The following CSMD1 variants were observed in gnomAD, a reference collection of about 807,000 sequenced individuals.
CSMD1 encodes CUB and Sushi multiple domains 1, also known as CUB and sushi domain-containing protein 1.
Under a neutral mutation model 417.5 loss-of-function variants are expected in CSMD1, and 213 were observed. The observed-to-expected ratio is 0.51, with a 90% CI of 0.46 to 0.57. The LOEUF is 0.57. CSMD1 is among the 20% of genes least tolerant of loss of function. The pLI is 0.00. For synonymous variants in CSMD1, 2,862 were observed against 1,736.8 expected (o/e 1.65, Z -16.11); for missense variants, 6,923 against 4,529.7 (o/e 1.53, Z -15.17).
At chr8:3,691,037 TTCTC>T (rs1563276899) in intron 7 of CSMD1, among the ~76,000 whole-genome samples, 1 of 152,068 alleles carries the variant, frequency 6.6e-6, no homozygotes, top group Non-Finnish European at 1.5e-5. Context: ...AAGTATCTTT[TTCTC>T]TCTAACACAC....
intron 2 of CSMD1, among the ~76,000 whole-genome samples, chr8:4,497,167 A>C (rs1402047406): frequency 6.6e-6 from 1 of 152,130 alleles, no homozygotes; most frequent in East Asian, 1.9e-4. Context: ...TTTTAGTAGA[A>C]TATTCCAGAG....
intron 5 of CSMD1, among the ~76,000 whole-genome samples, chr8:3,815,892 A>G (rs1433847660): frequency 6.6e-6 from 1 of 152,220 alleles, no homozygotes. Flanking sequence ...ACACTAAATT[A>G]TCATCAAGAG....
At chr8:4,443,502 A>G (rs1193085793) in intron 2 of CSMD1, among the ~76,000 whole-genome samples, 1 of 152,218 alleles carries the variant, frequency 6.6e-6, no homozygotes, top group East Asian at 1.9e-4. Flanking sequence ...TATATGCCAC[A>G]TATATTAACA....
chr8:4,059,247 G>C (rs993650026), intron 3 of CSMD1, among the ~76,000 whole-genome samples: 6 of 152,066 alleles, frequency 3.9e-5, no homozygotes, highest in Middle Eastern at 3.2e-3. Flanking sequence ...AAACCAAAGA[G>C]AAGAAAGACA....
intron 4 of CSMD1, among the ~76,000 whole-genome samples, chr8:4,027,666 G>C (rs1797132010): frequency 1.3e-5 from 2 of 152,104 alleles, no homozygotes; most frequent in South Asian, 4.1e-4. Context: ...CTTCATAGTA[G>C]CATGATAACG....
In CSMD1 at chr8:3,714,561, C is replaced by CAAAAAAAAAAAAAAAAAAAAAAAAAAAA. The variant is rs61494901; in HGVS notation, c.932-6071_932-6070insTTTTTTTTTTTTTTTTTTTTTTTTTTTT. Among the ~76,000 whole-genome samples the CAAAAAAAAAAAAAAAAAAAAAAAAAAAA allele has an allele frequency of 9.9e-5, 7 of 70,552 alleles. 1 individual carries two copies. Among genetic ancestry groups the CAAAAAAAAAAAAAAAAAAAAAAAAAAAA allele is most frequent in the African/African-American group, 2.2e-4 (4 of 18,118 alleles). 46.3% of individuals were successfully genotyped at this position (70,552 alleles called of 152,430 possible). ...ACATGGCGAAACCCCATCTCTATCC[C>CAAAAAAAAAAAAAAAAAAAAAAAAAAAA]AAAAAAAAAAAAAAAAAAAATTAGC... On this transcript the variant is annotated intron_variant, in intron 6 of 69. Transcript: ENST00000635120.
At chr8:4,974,799 T>C (rs1193240002) in intron 1 of CSMD1, among the ~76,000 whole-genome samples, 1 of 152,146 alleles carries the variant, frequency 6.6e-6, no homozygotes, top group Non-Finnish European at 1.5e-5. Context: ...AAATATGGGA[T>C]GATAAAATAC....
intron 4 of CSMD1, among the ~76,000 whole-genome samples, chr8:4,003,034 T>TA (rs563873029): frequency 1.3e-5 from 2 of 151,966 alleles, no homozygotes; most frequent in Admixed American, 6.6e-5. Context: ...AACAACACAA[T>TA]AAAAAAATAT....
intron 26 of CSMD1, among the ~76,000 whole-genome samples, chr8:3,243,122 T>C (rs191008628): frequency 4.6e-5 from 7 of 151,626 alleles, no homozygotes; most frequent in African/African-American, 1.7e-4. Flanking sequence ...AAGGAGAAAG[T>C]GGTTGAGGGA....
chr8:4,300,203 G>C (rs1456635658), intron 3 of CSMD1, among the ~76,000 whole-genome samples: 3 of 152,208 alleles, frequency 2.0e-5, no homozygotes, highest in Admixed American at 6.5e-5. Flanking sequence ...CTCACAGAAG[G>C]TGTGTAATGT....
chr8:4,371,968 G>C (rs1802424344), intron 3 of CSMD1, among the ~76,000 whole-genome samples: 1 of 152,180 alleles, frequency 6.6e-6, no homozygotes, highest in Non-Finnish European at 1.5e-5. Context: ...TAAACTCATT[G>C]CCGTGATGGA....
At chr8:4,016,080 C>T (rs1305322409) in intron 4 of CSMD1, among the ~76,000 whole-genome samples, 1 of 152,094 alleles carries the variant, frequency 6.6e-6, no homozygotes, top group Non-Finnish European at 1.5e-5. Flanking sequence ...AAAATCTACC[C>T]ATTAATATTT....
chr8:4,955,164 A>G (rs968494718), intron 1 of CSMD1, among the ~76,000 whole-genome samples: 22 of 152,226 alleles, frequency 1.4e-4, no homozygotes, highest in African/African-American at 5.3e-4. Flanking sequence ...AAACCCTCTG[A>G]GTGCAGACCT....
intron 17 of CSMD1, among the ~76,000 whole-genome samples, chr8:3,392,919 C>T (rs904904879): frequency 1.1e-4 from 16 of 152,078 alleles, no homozygotes; most frequent in African/African-American, 3.1e-4. Context: ...TTTTAAACCC[C>T]GCAGGTAACC....
chr8:3,250,694 A>C (rs771109083), intron 26 of CSMD1, among the ~76,000 whole-genome samples: 3 of 152,090 alleles, frequency 2.0e-5, no homozygotes, highest in South Asian at 4.1e-4. Flanking sequence ...AAGTGTTCCT[A>C]TTTCTCCACA....
chr8:4,180,875 A>G (rs571961852), intron 3 of CSMD1, among the ~76,000 whole-genome samples: 1 of 152,174 alleles, frequency 6.6e-6, no homozygotes, highest in South Asian at 2.1e-4. Context: ...TAAATTCTGA[A>G]CTTGTAATTA....
chr8:3,974,935 G>A (rs187485452), intron 5 of CSMD1, among the ~76,000 whole-genome samples: 5 of 151,756 alleles, frequency 3.3e-5, no homozygotes, highest in Admixed American at 6.6e-5. Flanking sequence ...TGATTACTTC[G>A]AACAAATCAA....
chr8:4,079,415 G>C (rs1410566143), intron 3 of CSMD1, among the ~76,000 whole-genome samples: 2 of 152,032 alleles, frequency 1.3e-5, no homozygotes, highest in East Asian at 1.9e-4. Context: ...TTTAACTCTG[G>C]CTAAAAACAG....
intron 1 of CSMD1, among the ~76,000 whole-genome samples, chr8:4,755,716 C>T (rs959135147): frequency 3.3e-5 from 5 of 152,166 alleles, no homozygotes; most frequent in Middle Eastern, 3.2e-3. Context: ...TTGAATCTTG[C>T]TTCCGTTTTC....
Sources: gnomAD v4.1 joint callset for allele counts (sites outside exome capture counted in the v4.1 genomes callset) on GRCh38, gnomAD v4.1.1 for gene constraint, MANE v1.5 for transcripts, NCBI Gene and HGNC (gene_info 2026-07-23, HGNC 2026-07-21) for gene names.